The following WDR64 variants were observed in gnomAD, a reference collection of about 807,000 sequenced individuals.
The protein encoded by WDR64 is WD repeat-containing protein 64.
In WDR64, 112 loss-of-function variants were observed where a neutral mutation model predicts 139.3. That is an observed-to-expected ratio of 0.80 (90% CI 0.69 to 0.94). WDR64 has a LOEUF of 0.94. Among genes scored for constraint, WDR64 ranks in the 40% least tolerant of loss-of-function variants. WDR64 has a pLI of 0.00. For synonymous variants in WDR64, 444 were observed against 437.7 expected (o/e 1.01, Z -0.18); for missense variants, 1,206 against 1,293.1 (o/e 0.93, Z 1.03).
chr1:241,754,415 G>A (rs1172609982), intron 14 of WDR64, among the ~76,000 whole-genome samples: 1 of 148,644 alleles, frequency 6.7e-6, no homozygotes, highest in African/African-American at 2.5e-5. Context: ...TGCCTCCTGG[G>A]TTCAAGCGAT....
At chr1:241,658,284 G>GGTGTGT (rs56011225) in intron 1 of WDR64, among the ~76,000 whole-genome samples, 82,044 of 147,070 alleles carry the variant, frequency 0.56, 24,134 homozygotes, top group Non-Finnish European at 0.66. Flanking sequence ...TTCAAGCAAT[G>GGTGTGT]GTGTGTGTGT....
chr1:241,765,408 A>C (rs1230576723), intron 15 of WDR64, among the ~76,000 whole-genome samples: 1 of 152,152 alleles, frequency 6.6e-6, no homozygotes, highest in African/African-American at 2.4e-5. Flanking sequence ...TTTGAGATAA[A>C]CCCCAAAAAT....
rs1170077222 is a variant in WDR64 at position 241,660,521 on chromosome 1, TCAATGCAGA to T, written c.146-8_146del. 1 of 1,550,884 alleles carries T rather than the reference TCAATGCAGA, an allele frequency of 6.4e-7. No homozygotes were observed. On this transcript the variant is annotated splice_acceptor_variant and splice_polypyrimidine_tract_variant and coding_sequence_variant and intron_variant, in exon 2 of 28. Coordinates refer to ENST00000437684, the MANE Select transcript of WDR64 (RefSeq NM_001367482.1). LOFTEE classifies it high-confidence loss of function. ...TTGATGAAAATGGACTGTACTTTTT[TCAATGCAGA>T]TGCAATTGGTTATGACAAGTTTTAT... is the stretch of plus-strand genomic sequence containing the variant.
intron 2 of WDR64, among the ~76,000 whole-genome samples, chr1:241,662,446 C>A (rs2148058773): frequency 6.6e-6 from 1 of 152,300 alleles, no homozygotes. Context: ...AAGCGTCCCT[C>A]TTGTCCTAGA....
chr1:241,714,581 G>A (rs910503672), intron 9 of WDR64, among the ~76,000 whole-genome samples: 1 of 149,996 alleles, frequency 6.7e-6, no homozygotes, highest in Non-Finnish European at 1.5e-5. Context: ...TCCCCTAAGG[G>A]CATAAAGTTA....
At chr1:241,705,811 A>C (rs1667931246) in intron 8 of WDR64, among the ~76,000 whole-genome samples, 1 of 151,468 alleles carries the variant, frequency 6.6e-6, no homozygotes, top group Non-Finnish European at 1.5e-5. Context: ...CTGGTCTCAG[A>C]CTCTTGGCTT....
At chr1:241,766,498 C>A (rs552234177) in intron 16 of WDR64, 147 bp downstream of exon 16, 17 of 865,966 alleles carry the variant, frequency 2.0e-5, no homozygotes, top group Non-Finnish European at 2.7e-5. Context: ...GCCAGGAGTT[C>A]GAGATCAGCC....
chr1:241,683,445 G>A, intron 6 of WDR64, 42 bp from the exon 7 acceptor site: 1 of 1,536,570 alleles, frequency 6.5e-7, no homozygotes, highest in Non-Finnish European at 8.8e-7. Flanking sequence ...TTATTGAACA[G>A]AGCAAAGTAA....
At chr1:241,799,677 T>C (rs1659468703) in intron 27 of WDR64, among the ~76,000 whole-genome samples, 1 of 152,108 alleles carries the variant, frequency 6.6e-6, no homozygotes, top group South Asian at 2.1e-4. Flanking sequence ...CTGGGATAAA[T>C]CCAGTCACTT....
intron 15 of WDR64, among the ~76,000 whole-genome samples, chr1:241,765,251 C>G (rs1271046000): frequency 1.3e-5 from 2 of 150,180 alleles, no homozygotes; most frequent in Non-Finnish European, 3.0e-5. Context: ...CATATATTAA[C>G]ATTGAGATAC....
chr1:241,771,265 G>A (rs767270513), intron 18 of WDR64, among the ~76,000 whole-genome samples: 12 of 152,296 alleles, frequency 7.9e-5, no homozygotes, highest in Admixed American at 3.3e-4. Context: ...TTGAACCCAA[G>A]TCCTTCTTTT....
intron 16 of WDR64, among the ~76,000 whole-genome samples, chr1:241,767,473 G>A (rs1013785129): frequency 7.9e-5 from 12 of 152,064 alleles, no homozygotes; most frequent in African/African-American, 2.9e-4. Context: ...CCACCCTATG[G>A]CAAGGGGGTT....
intron 8 of WDR64, among the ~76,000 whole-genome samples, chr1:241,693,273 C>A (rs185646288): frequency 2.0e-5 from 3 of 152,120 alleles, no homozygotes; most frequent in African/African-American, 7.2e-5. Context: ...CATGGAGGAC[C>A]CTTAAATGCA....
rs1163544023 is a variant in WDR64, at chr1:241,735,845, CTCTCTCTCTCTGTGTGTGTGTGTG to C, written c.1195-2516_1195-2493del. On this transcript the variant is annotated intron_variant, in intron 10 of 27. Transcript: ENST00000437684. ...TCTATCTCTCTCTCTCTCTCTCTCTCTCTCTCTCTCTGTGTGTGTGTGTGTGTGTGTGTGTGTGTGTGTGTCTAT... is the reference window on the plus strand; with the variant it reads ...TCTATCTCTCTCTCTCTCTCTCTCTCTGTGTGTGTGTGTGTGTGTGTCTAT... Among the ~76,000 whole-genome samples the C allele has an allele frequency of 4.0e-5, 4 of 100,500 alleles. No homozygotes were observed. The South Asian group carries it at 9.1e-4, about 23-fold the overall frequency. 65.9% of individuals were successfully genotyped at this position (100,500 alleles called of 152,430 possible). A position where few individuals can be genotyped will look rare whatever the true frequency, so the allele number is the denominator to read the frequency against.
chr1:241,726,510 C>T (rs749364098), intron 10 of WDR64, among the ~76,000 whole-genome samples: 38 of 151,874 alleles, frequency 2.5e-4, no homozygotes, highest in Non-Finnish European at 4.7e-4. Flanking sequence ...GATTACACTT[C>T]AATATTGCAG....
Position 241,711,846 on chromosome 1 carries a change from G to T in WDR64, c.1019G>T (p.Cys340Phe), listed in dbSNP as rs1243602082. The T allele has an allele frequency of 3.1e-6, 5 of 1,614,038 alleles. 1 individual carries two copies. The Admixed American group carries it at 8.3e-5, about 27-fold the overall frequency. Residue 340 changes from cysteine (C) to phenylalanine (F), a missense_variant, in exon 9 of 28, where the codon TGC becomes TTC. Cys to Phe is a radical substitution (Grantham distance 205, BLOSUM62 -2). Transcript: ENST00000437684. ...ATGCCAAGAGGAGCCAACACTTTTT[G>T]CTACTGTGTTAAGGCAAATGTGATT... Reference protein sequence around the residue: ...FSMPRGANTFCYCVKANVIVT... With the variant: ...FSMPRGANTFFYCVKANVIVT...
intron 14 of WDR64, among the ~76,000 whole-genome samples, chr1:241,754,931 T>C (rs911467841): frequency 4.6e-5 from 7 of 152,262 alleles, no homozygotes; most frequent in Non-Finnish European, 8.8e-5. Context: ...CAGTATTCCA[T>C]GTTGTATATG....
chr1:241,727,582 T>C (rs1247415198), intron 10 of WDR64, among the ~76,000 whole-genome samples: 1 of 152,194 alleles, frequency 6.6e-6, no homozygotes, highest in African/African-American at 2.4e-5. Flanking sequence ...ATTGAGTGTC[T>C]ATTGTGTTAG....
At chr1:241,740,657 T>A (rs907986154) in intron 11 of WDR64, among the ~76,000 whole-genome samples, 2 of 151,962 alleles carry the variant, frequency 1.3e-5, no homozygotes, top group Non-Finnish European at 2.9e-5. Context: ...GATTCTTTTT[T>A]TTTTTTTAAT....
Sources: gnomAD v4.1 joint callset for allele counts (sites outside exome capture counted in the v4.1 genomes callset) on GRCh38, gnomAD v4.1.1 for gene constraint, MANE v1.5 for transcripts, NCBI Gene and HGNC (gene_info 2026-07-23, HGNC 2026-07-21) for gene names.